ZNF605: variants seen among roughly 807,000 people sequenced by gnomAD.
ZNF605 encodes zinc finger protein 605.
Under a neutral mutation model 7.9 loss-of-function variants are expected in ZNF605, and 9 were observed. That is an observed-to-expected ratio of 1.14 (90% CI 0.68 to 1.98). The LOEUF (loss-of-function observed/expected upper bound fraction) is 1.98, where lower values mean the gene tolerates loss of function less well. Ranked by LOEUF, ZNF605 falls within the 30% of genes most tolerant of loss-of-function variation. The probability of loss-of-function intolerance (pLI) is 0.00; values close to 1 mark genes in which losing one functional copy is unlikely to be tolerated. For missense variants in ZNF605, 673 were observed against 762.4 expected, an observed-to-expected ratio of 0.88 and a Z score of 1.38; for synonymous variants, 255 against 260.1, an observed-to-expected ratio of 0.98 and a Z score of 0.19.
In ZNF605 at chr12:132,918,314, G is replaced by A. The variant is rs1431817215; in HGVS notation, c.*7059C>T. 1 of 152,210 alleles carries A rather than the reference G, an allele frequency of 6.6e-6. No homozygotes were observed. Among genetic ancestry groups the A allele is most frequent in the African/African-American group, 2.4e-5 (1 of 41,448 alleles). The allele number at this position is 152,210 out of a possible 1,614,324, so 9.4% of individuals were successfully genotyped here. A position where few individuals can be genotyped will look rare whatever the true frequency, so the allele number is the denominator to read the frequency against. Reference sequence around the variant, plus strand: ...AATTTGGGGATACCTGGTTGGAATGGAAACCAGAGTTTATTTGCAAATTGC... The same window carrying A: ...AATTTGGGGATACCTGGTTGGAATGAAAACCAGAGTTTATTTGCAAATTGC... On this transcript the variant is annotated 3_prime_UTR_variant, in exon 5 of 5. Transcript: ENST00000360187.
rs1369091045 is a variant in ZNF605 at position 132,941,605 on chromosome 12, T to C, written c.15+4016A>G. 1.3e-5 allele frequency among the ~76,000 whole-genome samples: 2 copies of C among 152,206 alleles called. No homozygotes were observed. The highest frequency in any genetic ancestry group is 2.4e-5 in the African/African-American group (1 of 41,452). ...GCTCACGAGCAACAGGGTAACTGAC[T>C]GTTGTAACGGACAGCTTCGGTGGCT... On this transcript the variant is annotated intron_variant, in intron 3 of 4. Transcript: ENST00000360187. This position sits in a 1 kb window ranked among gnomAD's most constrained non-coding sequence, Gnocchi z 5.1.
intron 3 of ZNF605, among the ~76,000 whole-genome samples, chr12:132,938,778 C>T (rs1417908523): frequency 6.6e-6 from 1 of 152,016 alleles, no homozygotes; most frequent in Non-Finnish European, 1.5e-5. Context: ...GGAACCGGGG[C>T]TGTGTGCGGC....
At chr12:132,943,082 G>A (rs1448913260) in intron 3 of ZNF605, among the ~76,000 whole-genome samples, 1 of 152,128 alleles carries the variant, frequency 6.6e-6, no homozygotes, top group African/African-American at 2.4e-5. Context: ...CTGTAGTGCG[G>A]CCGGGCACGG....
intron 3 of ZNF605, among the ~76,000 whole-genome samples, chr12:132,942,121 T>C (rs1298604691): frequency 6.6e-6 from 1 of 152,214 alleles, no homozygotes; most frequent in African/African-American, 2.4e-5. Context: ...CAGGAGACAT[T>C]TTGTTCTTAA....
Position 132,925,800 on chromosome 12 carries a change from G to A in ZNF605, c.1499C>T (p.Thr500Ile). The change falls in exon 5 of 5, where the codon ACT (threonine) becomes ATT (isoleucine). Residue 500 changes from threonine (T) to isoleucine (I), a missense_variant. Physicochemically the swap from Thr to Ile is moderately conservative, Grantham distance 89 (BLOSUM62 -1). Transcript: ENST00000360187. ...ACTACATTCAAAGGGCTTTTCTCCA[G>A]TATGGGTTCTCTGATGATGAATGAG... is the stretch of plus-strand genomic sequence containing the variant. The part of the protein sequence containing the change: ...SSLIHHQRTH[T>I]GEKPFECSEC... 6.2e-7 allele frequency: 1 copy of A among 1,614,180 alleles called. No homozygotes were observed. The highest frequency in any genetic ancestry group is 8.5e-7 in the Non-Finnish European group (1 of 1,180,024).
In ZNF605 at chr12:132,941,133, T is replaced by C. The variant is rs1427440248; in HGVS notation, c.15+4488A>G. On this transcript the variant is annotated intron_variant, in intron 3 of 4. Transcript: ENST00000360187. This position sits in a 1 kb window ranked among gnomAD's most constrained non-coding sequence, Gnocchi z 5.1. ...AACACAACCACCCAACTGCGCTTGC[T>C]AAATGCAGACTAAGATGTCTTCCAC... Among the ~76,000 whole-genome samples the C allele has an allele frequency of 6.6e-6, 1 of 152,086 alleles. No homozygotes were observed. Among genetic ancestry groups the C allele is most frequent in the African/African-American group, 2.4e-5 (1 of 41,398 alleles).
intron 4 of ZNF605, 54 bp downstream of exon 4, chr12:132,932,981 C>T (rs1387010244): frequency 6.6e-7 from 1 of 1,520,296 alleles, no homozygotes; most frequent in African/African-American, 1.4e-5. Context: ...AATAAACAAA[C>T]ACCTCACAGG....
intron 1 of ZNF605, among the ~76,000 whole-genome samples, chr12:132,950,679 TAC>T (rs1216840109): frequency 6.7e-6 from 1 of 148,394 alleles, no homozygotes; most frequent in Non-Finnish European, 1.5e-5. Context: ...GATACACAGG[TAC>T]ACACACAGTA....
At chr12:132,954,108 C>G (rs1261945401) in intron 1 of ZNF605, among the ~76,000 whole-genome samples, 2 of 151,846 alleles carry the variant, frequency 1.3e-5, no homozygotes, top group Middle Eastern at 3.2e-3. Context: ...CCCCCAGACA[C>G]TTACCATTCC....
chr12:132,933,206 G>A lies in ZNF605; in HGVS notation c.16-51C>T, dbSNP rs113320224. The A allele has an allele frequency of 6.1e-4, 948 of 1,556,792 alleles. 5 individuals carry two copies. The African/African-American group carries it at 0.012, about 19-fold the overall frequency. On this transcript the variant is annotated intron_variant, in intron 3 of 4. Coordinates refer to ENST00000360187, the MANE Select transcript of ZNF605 (RefSeq NM_183238.4). The surrounding 1 kb of genome is among the most constrained non-coding windows in gnomAD (Gnocchi z 4.4). ...CCTGAAGTGGTTCTCATTTGGTCTTGTAAAATACTTTCTTCTGTATTTGTG... is the reference window on the plus strand; with the variant it reads ...CCTGAAGTGGTTCTCATTTGGTCTTATAAAATACTTTCTTCTGTATTTGTG...
chr12:132,943,808 T>G (rs1350356930), intron 3 of ZNF605, among the ~76,000 whole-genome samples: 1 of 151,534 alleles, frequency 6.6e-6, no homozygotes, highest in Non-Finnish European at 1.5e-5. Flanking sequence ...TCAGAAGCAT[T>G]AGAACCAAAG....
chr12:132,932,487 A>G, intron 4 of ZNF605, among the ~76,000 whole-genome samples: 1 of 152,206 alleles, frequency 6.6e-6, no homozygotes, highest in East Asian at 1.9e-4. Context: ...ACTGAATAAG[A>G]GGGATACATT....
chr12:132,954,919 C>G (rs1218960762), intron 1 of ZNF605, among the ~76,000 whole-genome samples: 2 of 152,142 alleles, frequency 1.3e-5, no homozygotes, highest in African/African-American at 4.8e-5. Context: ...ATGCTTCCAT[C>G]ATAAGATCCC....
At position 132,948,261 on chromosome 12, in the gene ZNF605, C is replaced by G. The variant is rs1952514816; in HGVS notation, c.-276G>C. On this transcript the variant is annotated 5_prime_UTR_variant, in exon 2 of 5. Transcript: ENST00000360187. ...TGCACAGGGACGCTCTTTCCTTCAT[C>G]AGAATGAGTCTGAAAAGAAATGTCC... The G allele has an allele frequency of 1.3e-5, 2 of 152,198 alleles. No homozygotes were observed. Among genetic ancestry groups the G allele is most frequent in the Non-Finnish European group, 2.9e-5 (2 of 68,042 alleles). 9.4% of individuals were successfully genotyped at this position (152,198 alleles called of 1,614,324 possible).
At chr12:132,935,187 G>A (rs1952351750) in intron 3 of ZNF605, among the ~76,000 whole-genome samples, 1 of 152,094 alleles carries the variant, frequency 6.6e-6, no homozygotes, top group South Asian at 2.1e-4. Flanking sequence ...AGGGACACAG[G>A]AAAAAGGAGG....
rs1952222140 is a variant in ZNF605, at chr12:132,923,622, T to C, written c.*1751A>G. 6.6e-6 allele frequency: 1 copy of C among 152,236 alleles called. No individual in the cohort carries two copies. Among genetic ancestry groups the C allele is most frequent in the South Asian group, 2.1e-4 (1 of 4,838 alleles). The allele number at this position is 152,236 out of a possible 1,614,324, so 9.4% of individuals were successfully genotyped here. On this transcript the variant is annotated 3_prime_UTR_variant, in exon 5 of 5. Coordinates refer to ENST00000360187, the MANE Select transcript of ZNF605 (RefSeq NM_183238.4). The stretch of plus-strand genomic sequence containing the variant: ...CAAGGTGTTTTAAAAGTATTCTGTT[T>C]ATCAGTGCTTTTCATGAATGTGACT...
chr12:132,936,988 G>C (rs1386460872), intron 3 of ZNF605, among the ~76,000 whole-genome samples: 5 of 152,128 alleles, frequency 3.3e-5, no homozygotes, highest in Non-Finnish European at 7.3e-5. Context: ...TCATATCCAG[G>C]ATATAAAGAA....
chr12:132,947,456 G>C (rs1192084295), intron 2 of ZNF605, among the ~76,000 whole-genome samples: 1 of 152,048 alleles, frequency 6.6e-6, no homozygotes, highest in Admixed American at 6.6e-5. Context: ...GGGACTATAG[G>C]TGTACGCCAC....
In ZNF605 at chr12:132,920,895, C is replaced by G. The variant is rs982274468; in HGVS notation, c.*4478G>C. ...AGACTGGAGTGCAATGCCGTGATCT[C>G]GGCTCACTGCAACCTCCTCCTCCCA... On this transcript the variant is annotated 3_prime_UTR_variant, in exon 5 of 5. Coordinates refer to ENST00000360187, the MANE Select transcript of ZNF605 (RefSeq NM_183238.4). 1.3e-5 allele frequency: 2 copies of G among 152,134 alleles called. No homozygotes were observed. Among genetic ancestry groups the G allele is most frequent in the Non-Finnish European group, 2.9e-5 (2 of 68,090 alleles). The allele number at this position is 152,134 out of a possible 1,614,324, so 9.4% of individuals were successfully genotyped here.
Sources: allele counts gnomAD v4.1 joint callset (sites outside exome capture counted in the v4.1 genomes callset), GRCh38; gene constraint gnomAD v4.1.1; non-coding constraint Gnocchi (gnomAD v3.1); transcripts MANE v1.5; gene names NCBI Gene and HGNC (gene_info 2026-07-23, HGNC 2026-07-21).